The following PLEC variants were observed in gnomAD, a reference collection of about 807,000 sequenced individuals.
PLEC encodes hemidesmosomal protein 1.
PLEC carries 216 observed loss-of-function variants against 392.8 expected under a neutral mutation model. That is an observed-to-expected ratio of 0.55 (90% CI 0.49 to 0.62). PLEC has a LOEUF of 0.62. PLEC is among the 20% of genes least tolerant of loss of function. The pLI is 0.00. For synonymous variants in PLEC, 3,621 were observed against 2,980.6 expected, an observed-to-expected ratio of 1.21 and a Z score of -7.00; for missense variants, 6,863 against 6,563.4, an observed-to-expected ratio of 1.05 and a Z score of -1.58.
At chr8:143,953,335 C>T (rs1345645494), upstream of PLEC, among the ~76,000 whole-genome samples, 2 of 145,552 alleles carry the variant, frequency 1.4e-5, no homozygotes, top group Non-Finnish European at 3.0e-5. Flanking sequence ...CACAGTGGTC[C>T]CCCAGCCCTG....
In PLEC at chr8:143,973,399, G is replaced by C; in HGVS notation, c.70+4C>G. 6.4e-7 allele frequency: 1 copy of C among 1,556,964 alleles called. No individual in the cohort carries two copies. The highest frequency in any genetic ancestry group is 8.7e-7 in the Non-Finnish European group (1 of 1,151,662). On this transcript the variant is annotated splice_donor_region_variant and intron_variant, in intron 1 of 31. Transcript: ENST00000356346. This position sits in a 1 kb window ranked among gnomAD's most constrained non-coding sequence, Gnocchi z 5.6. ...CCGACAGGCAGCGGGACGGGGGGCC[G>C]TACCTTTGTACTTCTCGCGCACCTC...
chr8:143,959,663 C>T (rs1304778860), intron 1 of PLEC, among the ~76,000 whole-genome samples: 5 of 152,250 alleles, frequency 3.3e-5, no homozygotes, highest in African/African-American at 4.8e-5. Context: ...GGAGGGACGA[C>T]GACTGCAGTA....
At chr8:143,952,243 C>T (rs1291324915), upstream of PLEC, among the ~76,000 whole-genome samples, 3 of 152,246 alleles carry the variant, frequency 2.0e-5, no homozygotes, top group Non-Finnish European at 2.9e-5. Context: ...CGCACGCCTG[C>T]GTACACAGAG....
Position 143,919,915 on chromosome 8 carries a change from C to T in PLEC, c.9906G>A (p.Arg3302=), listed in dbSNP as rs1176951900. 6.2e-7 allele frequency: 1 copy of T among 1,613,036 alleles called. No homozygotes were observed. The highest frequency in any genetic ancestry group is 1.3e-5 in the African/African-American group (1 of 74,928). Residue 3302 remains arginine, a synonymous_variant, in exon 32 of 32, where the codon AGG becomes AGA. Transcript: ENST00000345136. ...VEEVETLRQE[R]LSFSGLRAPV... Reference sequence around the variant, plus strand: ...GGGCACGGAGGCCGCTGAAGGACAGCCTCTCCTGCCGCAGGGTCTCCACCT... The same window carrying T: ...GGGCACGGAGGCCGCTGAAGGACAGTCTCTCCTGCCGCAGGGTCTCCACCT...
At position 143,933,335 on chromosome 8, in the gene PLEC, G is replaced by A. The variant is rs1554719371; in HGVS notation, c.1280C>T (p.Ala427Val). 1.9e-6 allele frequency: 3 copies of A among 1,611,790 alleles called. No individual in the cohort carries two copies. The highest frequency in any genetic ancestry group is 2.5e-6 in the Non-Finnish European group (3 of 1,179,930). Reference sequence around the variant, plus strand: ...CGCCCGCTGTGGCACTTTGCCTGCAGCCAGCAGCCGGACATCCTGCAAGGT... The same window carrying A: ...CGCCCGCTGTGGCACTTTGCCTGCAACCAGCAGCCGGACATCCTGCAAGGT... ...ALLQSDVRLL[A>V]AGKVPQRAGE... is the part of the protein sequence containing the mutation. Residue 427 changes from alanine (A) to valine (V), a missense_variant, in exon 13 of 32, where the codon GCT becomes GTT. Coordinates refer to ENST00000345136, the MANE Select transcript of PLEC (RefSeq NM_201384.3).
chr8:143,960,388 G>A (rs567990266), intron 1 of PLEC, among the ~76,000 whole-genome samples: 4 of 151,738 alleles, frequency 2.6e-5, no homozygotes, highest in South Asian at 2.1e-4. Flanking sequence ...AGGTCAAGGC[G>A]GGCGGATCAC....
Position 143,927,366 on chromosome 8 carries a change from G to A in PLEC, c.3757-31C>T, listed in dbSNP as rs201691040. The A allele has an allele frequency of 1.5e-5, 24 of 1,610,252 alleles. 1 individual carries two copies. The highest frequency in any genetic ancestry group is 6.7e-5 in the East Asian group (3 of 44,836). ...TGATGGTGTGGTCAGAGCCGTGGCC[G>A]CAGGGCACGCCCAGCCGCCCCGTCC... On this transcript the variant is annotated intron_variant, in intron 27 of 31. Transcript: ENST00000345136.
Position 143,935,297 on chromosome 8 carries a change from T to C in PLEC, c.619A>G (p.Met207Val), listed in dbSNP as rs1295775338. Reference sequence around the variant, plus strand: ...TTGGTCTGCCGGTACACCTTGTTCATGTCGATGAGCAGGGGCCTGGGACAA... The same window carrying C: ...TTGGTCTGCCGGTACACCTTGTTCACGTCGATGAGCAGGGGCCTGGGACAA... Reference protein sequence around the residue: ...IHRHKPLLIDMNKVYRQTNLE... With the variant: ...IHRHKPLLIDVNKVYRQTNLE... Residue 207 changes from methionine (M) to valine (V), a missense_variant, in exon 7 of 32, where the codon ATG (methionine) becomes GTG (valine). Physicochemically the swap from Met to Val is conservative, Grantham distance 21. Coordinates refer to ENST00000345136, the MANE Select transcript of PLEC (RefSeq NM_201384.3). 1 of 1,605,800 alleles carries C rather than the reference T, an allele frequency of 6.2e-7. No homozygotes were observed. Among genetic ancestry groups the C allele is most frequent in the Middle Eastern group, 1.7e-4 (1 of 6,028 alleles).
intron 12 of PLEC, among the ~76,000 whole-genome samples, 173 bp downstream of exon 12, chr8:143,933,825 G>A (rs2131995963): frequency 6.6e-6 from 1 of 152,334 alleles, no homozygotes; most frequent in Non-Finnish European, 1.5e-5. Context: ...AGAGTTAGCT[G>A]CACACGAGGA....
At chr8:143,976,543 C>T (rs1554746083), upstream of PLEC, among the ~76,000 whole-genome samples, 4 of 152,154 alleles carry the variant, frequency 2.6e-5, no homozygotes, top group Non-Finnish European at 5.9e-5. Flanking sequence ...TCCGCAGTCT[C>T]GGGCGTGCAG....
In PLEC at chr8:143,964,700, T is replaced by C. The variant is rs554245387; in HGVS notation, c.70+8703A>G. Among the ~76,000 whole-genome samples the C allele has an allele frequency of 8.5e-5, 13 of 152,272 alleles. No homozygotes were observed. The East Asian group carries it at 1.2e-3, about 14-fold the overall frequency. On this transcript the variant is annotated intron_variant, in intron 1 of 31. Coordinates refer to the PLEC transcript ENST00000356346. ...AAACAGGGCACATTCTCTGGGGGTA[T>C]CTGTATTCTGTAAACAACCATGCAT...
At position 143,920,745 on chromosome 8, in the gene PLEC, T is replaced by C. The variant is rs782711547; in HGVS notation, c.9076A>G (p.Ile3026Val). 7 of 1,605,062 alleles carry C rather than the reference T, an allele frequency of 4.4e-6. No individual in the cohort carries two copies. The highest frequency in any genetic ancestry group is 5.9e-6 in the Non-Finnish European group (7 of 1,179,910). The change falls in exon 32 of 32, where the codon ATC becomes GTC. Residue 3026 changes from isoleucine (I) to valine (V), a missense_variant. Coordinates refer to ENST00000345136, the MANE Select transcript of PLEC (RefSeq NM_201384.3). The part of the protein sequence containing the change: ...VRRALRGANV[I>V]AGVWLEEAGQ... ...GCCTCCTCCAGCCATACACCCGCGA[T>C]GACGTTGGCACCCCGGAGAGCCCGC...
intron 30 of PLEC, 116 bp from the exon 31 acceptor site, chr8:143,926,000 GAC>G: frequency 8.4e-7 from 1 of 1,184,216 alleles, no homozygotes; most frequent in Non-Finnish European, 1.2e-6. Flanking sequence ...GGTCGGGGAA[GAC>G]AGAGGCCCCA....
At position 143,938,768 on chromosome 8, in the gene PLEC, C is replaced by T. The variant is rs539360564; in HGVS notation, c.113-76G>A. ...CCCTCAGGTGACCACCGTGCAGACA[C>T]AGCAGCCTGGCTGGCCAGGTCCTGC... On this transcript the variant is annotated intron_variant, in intron 1 of 31. Coordinates refer to ENST00000345136, the MANE Select transcript of PLEC (RefSeq NM_201384.3). The T allele has an allele frequency of 3.5e-5, 46 of 1,310,118 alleles. No homozygotes were observed. The East Asian group carries it at 8.3e-4, about 24-fold the overall frequency. The allele number at this position is 1,310,118 out of a possible 1,614,324, so 81.2% of individuals were successfully genotyped here. A position where few individuals can be genotyped will look rare whatever the true frequency, so the allele number is the denominator to read the frequency against.
chr8:143,932,334 A>G, intron 16 of PLEC, 66 bp downstream of exon 16: 1 of 1,607,254 alleles, frequency 6.2e-7, no homozygotes, highest in Non-Finnish European at 8.5e-7. Context: ...CTCTGACCAT[A>G]GGGGACGGCC....
chr8:143,944,806 TG>T lies in PLEC; in HGVS notation c.523+5377del. ...GGCCGTGCTGCTGTCAGCAGCAGCT[TG>T]TGGGGGAGGGGAGCAGTGGGCAGGG... is the stretch of plus-strand genomic sequence containing the variant. On this transcript the variant is annotated intron_variant, in intron 1 of 31. Coordinates refer to the PLEC transcript ENST00000322810. 8 of 872,738 alleles carry T rather than the reference TG, an allele frequency of 9.2e-6. No individual in the cohort carries two copies. The East Asian group carries it at 2.7e-4, about 29-fold the overall frequency. 54.1% of individuals were successfully genotyped at this position (872,738 alleles called of 1,614,324 possible).
chr8:143,933,266 C>T lies in PLEC; in HGVS notation c.1349G>A (p.Arg450Gln), dbSNP rs782334335. Residue 450 changes from arginine to glutamine, a missense_variant, in exon 13 of 32, where the codon CGG (arginine) becomes CAG (glutamine). Arg to Gln is a conservative substitution (Grantham distance 43). Coordinates refer to ENST00000345136, the MANE Select transcript of PLEC (RefSeq NM_201384.3). Reference sequence around the variant, plus strand: ...GGTCTGCACGTCGTTGAAGAGCAGCCGGATCATGCTATCCGCCTTGTCCAA... The same window carrying T: ...GGTCTGCACGTCGTTGAAGAGCAGCTGGATCATGCTATCCGCCTTGTCCAA... ...RDLDKADSMI[R>Q]LLFNDVQTLK... The T allele has an allele frequency of 4.3e-6, 7 of 1,613,058 alleles. No homozygotes were observed. The highest frequency in any genetic ancestry group is 1.3e-5 in the African/African-American group (1 of 74,908).
chr8:143,953,850 G>C, upstream of PLEC: 1 of 1,583,112 alleles, frequency 6.3e-7, no homozygotes, highest in Non-Finnish European at 8.6e-7. Context: ...GGCCAGCGCC[G>C]CAGCCGGGGG....
chr8:143,937,822 G>A (rs776936615), intron 3 of PLEC: 15 of 556,416 alleles, frequency 2.7e-5, no homozygotes, highest in Non-Finnish European at 4.8e-5. Context: ...AAAGGGCAGA[G>A]GTCAAGGTTC....
Sources: allele counts gnomAD v4.1 joint callset (sites outside exome capture counted in the v4.1 genomes callset), GRCh38; gene constraint gnomAD v4.1.1; non-coding constraint Gnocchi (gnomAD v3.1); transcripts MANE v1.5; gene names NCBI Gene and HGNC (gene_info 2026-07-23, HGNC 2026-07-21).